BMP7: variants seen among roughly 807,000 people sequenced by gnomAD.
BMP7 encodes bone morphogenetic protein 7.
In BMP7, 12 loss-of-function variants were observed where a neutral mutation model predicts 41.2. The ratio of observed to expected loss-of-function variants is 0.29; its 90% CI spans 0.19 to 0.47. BMP7 has a LOEUF of 0.47. BMP7 is among the 20% of genes least tolerant of loss of function. The pLI, the probability that BMP7 is intolerant of heterozygous loss-of-function variation, is 0.99. For synonymous variants in BMP7, 248 were observed against 250.0 expected, an observed-to-expected ratio of 0.99 and a Z score of 0.07; for missense variants, 467 against 606.0, an observed-to-expected ratio of 0.77 and a Z score of 2.41.
rs1046511949 is a variant in BMP7, at chr20:57,219,210, C to T, written c.611+9019G>A. Among the ~76,000 whole-genome samples the T allele has an allele frequency of 5.3e-5, 7 of 132,510 alleles. 1 individual carries two copies. Among genetic ancestry groups the T allele is most frequent in the African/African-American group, 1.8e-4 (5 of 27,368 alleles). 86.9% of individuals were successfully genotyped at this position (132,510 alleles called of 152,430 possible). A position where few individuals can be genotyped will look rare whatever the true frequency, so the allele number is the denominator to read the frequency against. On this transcript the variant is annotated intron_variant, in intron 2 of 6. Transcript: ENST00000395863. ...TGTTCAGTGGTAGCTGGTGTTTGTT[C>T]GGTGGTAGGTGGTGTTTGGTGGTAG...
At chr20:57,248,991 C>T (rs1050999398) in intron 1 of BMP7, among the ~76,000 whole-genome samples, 4 of 151,814 alleles carry the variant, frequency 2.6e-5, no homozygotes, top group Non-Finnish European at 4.4e-5. Flanking sequence ...TTAGTAGAGA[C>T]GATGTTTCAC....
intron 3 of BMP7, among the ~76,000 whole-genome samples, chr20:57,192,083 T>C (rs1984374809): frequency 8.0e-6 from 1 of 125,010 alleles, no homozygotes; most frequent in South Asian, 2.3e-4. Flanking sequence ...AATTTATATA[T>C]TTATTTATAT....
chr20:57,178,028 G>A (rs1983975458), intron 4 of BMP7: 1 of 152,376 alleles, frequency 6.6e-6, no homozygotes, highest in Non-Finnish European at 1.5e-5. Flanking sequence ...GACTTACATG[G>A]AGATGAGGGC....
At chr20:57,227,799 T>A (rs904296185) in intron 2 of BMP7, among the ~76,000 whole-genome samples, 14 of 150,830 alleles carry the variant, frequency 9.3e-5, no homozygotes, top group Admixed American at 7.9e-4. Flanking sequence ...GAGTTCTCTG[T>A]TTTTTTTGGT....
chr20:57,235,517 A>G (rs1462392760), intron 1 of BMP7, among the ~76,000 whole-genome samples: 1 of 152,082 alleles, frequency 6.6e-6, no homozygotes, highest in Admixed American at 6.5e-5. Context: ...ATTTTTGTTG[A>G]CTTTGGCAAA....
intron 1 of BMP7, among the ~76,000 whole-genome samples, chr20:57,230,657 C>T (rs1484157190): frequency 6.8e-6 from 1 of 147,432 alleles, no homozygotes; most frequent in East Asian, 2.0e-4. Context: ...CAACAAGGGC[C>T]GTTCCTCTGC....
intron 1 of BMP7, among the ~76,000 whole-genome samples, chr20:57,257,615 T>G (rs190346822): frequency 7.2e-5 from 11 of 152,194 alleles, no homozygotes; most frequent in Non-Finnish European, 1.3e-4. Flanking sequence ...GGTATGTACC[T>G]GAAAAGGTAG....
intron 2 of BMP7, among the ~76,000 whole-genome samples, chr20:57,216,489 C>CTGTCTCCTGAGGGCGAGGGG (rs1568718069): frequency 0.011 from 1,425 of 133,728 alleles, 54 homozygotes; most frequent in African/African-American, 0.05. Context: ...AGGACGAGGG[C>CTGTCTCCTGAGGGCGAGGGG]GCTGTCTCCT....
At chr20:57,191,550 G>T (rs187586344) in intron 3 of BMP7, among the ~76,000 whole-genome samples, 1 of 151,782 alleles carries the variant, frequency 6.6e-6, no homozygotes, top group Non-Finnish European at 1.5e-5. Context: ...TAAAAACCCC[G>T]TGTTAGTAGA....
chr20:57,175,582 A>C (rs987081692), intron 4 of BMP7, among the ~76,000 whole-genome samples: 47 of 152,218 alleles, frequency 3.1e-4, no homozygotes, highest in African/African-American at 1.1e-3. Context: ...TTCTTTGAGT[A>C]GTGAAAATGA....
intron 3 of BMP7, among the ~76,000 whole-genome samples, chr20:57,197,044 G>A (rs1407799736): frequency 1.3e-4 from 19 of 151,844 alleles, no homozygotes; most frequent in Non-Finnish European, 1.5e-5. Context: ...TGGGACTACA[G>A]GCGCACACCA....
intron 4 of BMP7, among the ~76,000 whole-genome samples, chr20:57,179,183 T>C (rs13037653): frequency 0.045 from 6,906 of 152,284 alleles, 243 homozygotes; most frequent in Non-Finnish European, 0.068. Context: ...CCGGAGCTCC[T>C]GTGTATCCTT....
Position 57,174,937 on chromosome 20 carries a change from G to A in BMP7, c.1029C>T (p.Gly343=). ...HELYVSFRDL[G]WQDWIIAPEG... is the part of the protein sequence containing the mutation. ...GACCCAGCCAGCCCCTTACCTGCCA[G>A]CCCAGGTCTCGGAAGCTGACATACA... The change falls in exon 5 of 7, where the codon GGC becomes GGT. Residue 343 remains glycine, a synonymous_variant. Transcript: ENST00000395863. The surrounding 1 kb of genome is among the most constrained non-coding windows in gnomAD (Gnocchi z 4.3). 1 of 1,611,500 alleles carries A rather than the reference G, an allele frequency of 6.2e-7. No homozygotes were observed. The highest frequency in any genetic ancestry group is 8.5e-7 in the Non-Finnish European group (1 of 1,179,790).
At position 57,171,544 on chromosome 20, in the gene BMP7, G is replaced by C. The variant is rs1983817037; in HGVS notation, c.1147-436C>G. Among the ~76,000 whole-genome samples, 2 of 152,210 alleles carry C rather than the reference G, an allele frequency of 1.3e-5. No individual in the cohort carries two copies. Among genetic ancestry groups the C allele is most frequent in the Non-Finnish European group, 2.9e-5 (2 of 68,046 alleles). ...AAATGCCTATGAGTGCCACGTGAGT[G>C]CCACTGATAAGCAAAATAGACCGAG... is the stretch of plus-strand genomic sequence containing the variant. On this transcript the variant is annotated intron_variant, in intron 6 of 6. Transcript: ENST00000395863. This position sits in a 1 kb window ranked among gnomAD's most constrained non-coding sequence, Gnocchi z 4.5.
chr20:57,183,725 C>G lies in BMP7; in HGVS notation c.955G>C (p.Ala319Pro). Residue 319 changes from alanine to proline, a missense_variant, in exon 4 of 7, where the codon GCA becomes CCA. Coordinates refer to ENST00000395863, the MANE Select transcript of BMP7 (RefSeq NM_001719.3). Reference sequence around the variant, plus strand: ...GATCCCTCCCACCTAAGCATACCTGCCACGTTGGCCATCCGCAGGGCTTCC... The same window carrying G: ...GATCCCTCCCACCTAAGCATACCTGGCACGTTGGCCATCCGCAGGGCTTCC... ...NQEALRMANV[A>P]ENSSSDQRQA... The G allele has an allele frequency of 6.2e-7, 1 of 1,613,974 alleles. No homozygotes were observed. Among genetic ancestry groups the G allele is most frequent in the Non-Finnish European group, 8.5e-7 (1 of 1,180,014 alleles).
chr20:57,225,809 C>T, intron 2 of BMP7: 1 of 459,134 alleles, frequency 2.2e-6, no homozygotes, highest in Non-Finnish European at 4.6e-6. Context: ...CCGTCTTGCC[C>T]TCCACTGCTT....
intron 3 of BMP7, among the ~76,000 whole-genome samples, chr20:57,199,031 C>T (rs375281412): frequency 3.5e-4 from 53 of 152,272 alleles, no homozygotes; most frequent in African/African-American, 1.3e-3. Flanking sequence ...ATGACATGGG[C>T]GCTGCTGCCT....
chr20:57,263,793 A>C lies in BMP7; in HGVS notation c.418+1912T>G, dbSNP rs1382731799. On this transcript the variant is annotated intron_variant, in intron 1 of 6. Transcript: ENST00000395863. ...TTTCCTTTAGTTTTTGGTATAGTTA[A>C]TAAATACACATTGTTTTAAAAAAAT... 2.0e-5 allele frequency among the ~76,000 whole-genome samples: 3 copies of C among 149,424 alleles called. No homozygotes were observed. The East Asian group carries it at 5.8e-4, about 29-fold the overall frequency.
chr20:57,170,079 G>C lies in BMP7; in HGVS notation c.*880C>G, dbSNP rs898673149. 1 of 152,140 alleles carries C rather than the reference G, an allele frequency of 6.6e-6. No individual in the cohort carries two copies. The highest frequency in any genetic ancestry group is 2.4e-5 in the African/African-American group (1 of 41,406). 9.4% of individuals were successfully genotyped at this position (152,140 alleles called of 1,614,324 possible). On this transcript the variant is annotated 3_prime_UTR_variant, in exon 7 of 7. Transcript: ENST00000395863. ...GCCCATTGGTGCTTCTTAACAACAG[G>C]GTTGAGTTGCAAGTTCCATCCTACT...
Sources: gnomAD v4.1 joint callset for allele counts (sites outside exome capture counted in the v4.1 genomes callset) on GRCh38, gnomAD v4.1.1 for gene constraint, Gnocchi (gnomAD v3.1) non-coding constraint, MANE v1.5 for transcripts, NCBI Gene and HGNC (gene_info 2026-07-23, HGNC 2026-07-21) for gene names.